STARD13: variants seen among roughly 807,000 people sequenced by gnomAD.
The protein encoded by STARD13 is StAR related lipid transfer domain containing 13.
Under a neutral mutation model 106.4 loss-of-function variants are expected in STARD13, and 62 were observed. The ratio of observed to expected loss-of-function variants is 0.58; its 90% CI spans 0.48 to 0.72. The LOEUF is 0.72. Among genes scored for constraint, STARD13 ranks in the 30% least tolerant of loss-of-function variants. The pLI, the probability that STARD13 is intolerant of heterozygous loss-of-function variation, is 0.00. For synonymous variants in STARD13, 565 were observed against 553.0 expected, an observed-to-expected ratio of 1.02 and a Z score of -0.31; for missense variants, 1,387 against 1,424.0, an observed-to-expected ratio of 0.97 and a Z score of 0.42.
chr13:33,331,572 G>T (rs1365328157), intron 1 of STARD13, among the ~76,000 whole-genome samples: 2 of 143,730 alleles, frequency 1.4e-5, no homozygotes, highest in East Asian at 4.0e-4. Context: ...CGCCATGTTG[G>T]TCAGGCTAGT....
intron 1 of STARD13, among the ~76,000 whole-genome samples, chr13:33,278,193 T>C (rs1891556005): frequency 6.6e-6 from 1 of 152,168 alleles, no homozygotes; most frequent in African/African-American, 2.4e-5. Flanking sequence ...TTAAACTACT[T>C]TGTGCAAGAT....
the STARD13 span, among the ~76,000 whole-genome samples, chr13:33,482,563 G>A: frequency 6.6e-6 from 1 of 151,754 alleles, no homozygotes; most frequent in Non-Finnish European, 1.5e-5. Flanking sequence ...TGTTTCTTCC[G>A]TGTTTAACAA....
At chr13:33,448,815 A>G in the STARD13 span, among the ~76,000 whole-genome samples, 1 of 152,016 alleles carries the variant, frequency 6.6e-6, no homozygotes, top group Non-Finnish European at 1.5e-5. Context: ...GAATGAAGTG[A>G]TATCTATTTG....
chr13:33,652,627 A>G, the STARD13 span, among the ~76,000 whole-genome samples: 1 of 152,138 alleles, frequency 6.6e-6, no homozygotes, highest in Non-Finnish European at 1.5e-5. Flanking sequence ...GCACAAAAAT[A>G]TTTTCATTAA....
At chr13:33,467,605 T>A in the STARD13 span, among the ~76,000 whole-genome samples, 5 of 152,178 alleles carry the variant, frequency 3.3e-5, no homozygotes, top group East Asian at 5.8e-4. Flanking sequence ...CTTTTCCAGG[T>A]TGCCTGTCTT....
intron 1 of STARD13, among the ~76,000 whole-genome samples, chr13:33,181,046 G>A (rs1265229430): frequency 6.6e-6 from 1 of 152,086 alleles, no homozygotes; most frequent in South Asian, 2.1e-4. Context: ...AAACATTGTT[G>A]TGTGTTTTTT....
the STARD13 span, among the ~76,000 whole-genome samples, chr13:33,433,601 C>T: frequency 1.3e-5 from 2 of 152,170 alleles, no homozygotes; most frequent in Admixed American, 6.5e-5. Flanking sequence ...TACATCTCTG[C>T]TAAAACAGAG....
At chr13:33,166,611 C>T (rs1020980491) in intron 2 of STARD13, among the ~76,000 whole-genome samples, 1 of 152,170 alleles carries the variant, frequency 6.6e-6, no homozygotes, top group Non-Finnish European at 1.5e-5. Flanking sequence ...TAGTTCATTA[C>T]TAGATAAGGA....
downstream of STARD13, among the ~76,000 whole-genome samples, chr13:33,347,053 C>T (rs1166054942): frequency 3.3e-5 from 5 of 152,180 alleles, no homozygotes; most frequent in African/African-American, 1.2e-4. Flanking sequence ...TTGATAAAAA[C>T]AGATATAAAA....
chr13:33,598,552 A>T, the STARD13 span, among the ~76,000 whole-genome samples: 2 of 152,220 alleles, frequency 1.3e-5, no homozygotes, highest in Non-Finnish European at 2.9e-5. Context: ...GTATAATACA[A>T]TATGTGAGAA....
chr13:33,318,317 G>T (rs1274215613), intron 1 of STARD13, among the ~76,000 whole-genome samples: 1 of 152,094 alleles, frequency 6.6e-6, no homozygotes, highest in East Asian at 1.9e-4. Flanking sequence ...AGGATACCAA[G>T]AAAATTCAGT....
chr13:33,557,398 T>G, the STARD13 span, among the ~76,000 whole-genome samples: 2 of 152,192 alleles, frequency 1.3e-5, no homozygotes, highest in African/African-American at 2.4e-5. Context: ...AAAAATCTCC[T>G]CTTGAATTTT....
At chr13:33,360,405 C>T in the STARD13 span, among the ~76,000 whole-genome samples, 134 of 151,864 alleles carry the variant, frequency 8.8e-4, no homozygotes, top group Non-Finnish European at 1.8e-3. Flanking sequence ...AGGGTTTCAC[C>T]GTGTTAGCCA....
chr13:33,455,538 A>G, the STARD13 span, among the ~76,000 whole-genome samples: 1 of 152,182 alleles, frequency 6.6e-6, no homozygotes, highest in Non-Finnish European at 1.5e-5. Context: ...TGCCTTCTAG[A>G]ACAAGAGTTA....
At chr13:33,329,223 A>G (rs922403772) in intron 1 of STARD13, among the ~76,000 whole-genome samples, 1 of 151,864 alleles carries the variant, frequency 6.6e-6, no homozygotes, top group Non-Finnish European at 1.5e-5. Flanking sequence ...TAAATATACT[A>G]AAGTCATGGA....
the STARD13 span, among the ~76,000 whole-genome samples, chr13:33,474,223 T>C: frequency 6.6e-6 from 1 of 152,282 alleles, no homozygotes; most frequent in Admixed American, 6.5e-5. Context: ...AGCTAGTTAG[T>C]ACATGATGTT....
the STARD13 span, among the ~76,000 whole-genome samples, chr13:33,570,499 T>C: frequency 2.0e-5 from 3 of 148,272 alleles, no homozygotes; most frequent in African/African-American, 7.4e-5. Context: ...TGGAAATGCA[T>C]AGAAATCATC....
intron 1 of STARD13, among the ~76,000 whole-genome samples, chr13:33,231,700 G>A (rs1566087915): frequency 6.6e-6 from 1 of 152,188 alleles, no homozygotes; most frequent in East Asian, 1.9e-4. Context: ...TGGCCAGCAG[G>A]GAGAAAGCTG....
At chr13:33,528,172 T>C in the STARD13 span, among the ~76,000 whole-genome samples, 1 of 136,132 alleles carries the variant, frequency 7.3e-6, no homozygotes. Context: ...GCTAATATTA[T>C]ATATATATAT....
Sources: gnomAD v4.1 joint callset for allele counts (sites outside exome capture counted in the v4.1 genomes callset) on GRCh38, gnomAD v4.1.1 for gene constraint, MANE v1.5 for transcripts, NCBI Gene and HGNC (gene_info 2026-07-23, HGNC 2026-07-21) for gene names.